MFSD6: variants seen among roughly 807,000 people sequenced by gnomAD.
MFSD6 encodes the protein major facilitator superfamily domain containing 6.
MFSD6 carries 26 observed loss-of-function variants against 56.3 expected under a neutral mutation model. The ratio of observed to expected loss-of-function variants is 0.46; its 90% CI spans 0.34 to 0.64. MFSD6 has a LOEUF of 0.64. MFSD6 is among the 30% of genes least tolerant of loss of function. MFSD6 has a pLI of 0.01. For synonymous variants in MFSD6, 331 were observed against 366.9 expected, an observed-to-expected ratio of 0.90 and a Z score of 1.12; for missense variants, 750 against 986.2, an observed-to-expected ratio of 0.76 and a Z score of 3.21.
rs1687069667 is a variant in MFSD6 at position 190,456,935 on chromosome 2, C to T, written c.1533-12823C>T. ...CATTTGCTTTTCTACTTTCCTCTTA[C>T]CCCAGTCTTCCCAATGACTCGTCAA... On this transcript the variant is annotated intron_variant, in intron 3 of 7. Coordinates refer to ENST00000392328, the MANE Select transcript of MFSD6 (RefSeq NM_017694.4). This position sits in a 1 kb window ranked among gnomAD's most constrained non-coding sequence, Gnocchi z 5.4. Among the ~76,000 whole-genome samples, 1 of 152,118 alleles carries T rather than the reference C, an allele frequency of 6.6e-6. No homozygotes were observed. The highest frequency in any genetic ancestry group is 2.1e-4 in the South Asian group (1 of 4,832).
rs140232179 is a variant in MFSD6, at chr2:190,436,194, C to T, written c.165C>T (p.Asp55=). 1 of 1,614,032 alleles carries T rather than the reference C, an allele frequency of 6.2e-7. No homozygotes were observed. Among genetic ancestry groups the T allele is most frequent in the African/African-American group, 1.3e-5 (1 of 74,932 alleles). Residue 55 remains aspartate (D), a synonymous_variant, in exon 3 of 8, where the codon GAC becomes GAT. Coordinates refer to ENST00000392328, the MANE Select transcript of MFSD6 (RefSeq NM_017694.4). This position sits in a 1 kb window ranked among gnomAD's most constrained non-coding sequence, Gnocchi z 5.3. ...CTGCTATTCCTGAGGAGGAAATAGA[C>T]TGGATAGAGAAACATTGTGTTAAGA... The part of the protein sequence containing the change: ...ETSAIPEEEI[D]WIEKHCVKIN...
rs181379625 is a variant in MFSD6, at chr2:190,456,675, A to G, written c.1533-13083A>G. Among the ~76,000 whole-genome samples the G allele has an allele frequency of 2.6e-5, 4 of 152,298 alleles. No individual in the cohort carries two copies. In the East Asian group the frequency reaches 7.7e-4, roughly 29 times the overall value. On this transcript the variant is annotated intron_variant, in intron 3 of 7. Coordinates refer to ENST00000392328, the MANE Select transcript of MFSD6 (RefSeq NM_017694.4). This position sits in a 1 kb window ranked among gnomAD's most constrained non-coding sequence, Gnocchi z 5.4. The stretch of plus-strand genomic sequence containing the variant: ...ATGGTGCCCCATCCCTGACAAGGCA[A>G]GCATCCACTTCTGATTATTTAAAGT...
In MFSD6 at chr2:190,501,819, G is replaced by A. The variant is rs553524801; in HGVS notation, c.*1601G>A. ...CACTTGAACTGAAACGTACTGTACT[G>A]TAAATTATGACTCATTTTAAGTGAC... On this transcript the variant is annotated 3_prime_UTR_variant, in exon 8 of 8. Coordinates refer to ENST00000392328, the MANE Select transcript of MFSD6 (RefSeq NM_017694.4). 2.6e-5 allele frequency: 4 copies of A among 152,744 alleles called. No individual in the cohort carries two copies. The East Asian group carries it at 7.7e-4, about 29-fold the overall frequency. 9.5% of individuals were successfully genotyped at this position (152,744 alleles called of 1,614,324 possible).
chr2:190,475,535 C>T (rs981493576), intron 4 of MFSD6, among the ~76,000 whole-genome samples: 15 of 152,130 alleles, frequency 9.9e-5, no homozygotes, highest in Non-Finnish European at 1.8e-4. Flanking sequence ...AGGAGAACTA[C>T]AAACCACTGC....
rs1686302029 is a variant in MFSD6, at chr2:190,439,647, C to A, written c.1532+2086C>A. Among the ~76,000 whole-genome samples, 1 of 152,142 alleles carries A rather than the reference C, an allele frequency of 6.6e-6. No homozygotes were observed. Among genetic ancestry groups the A allele is most frequent in the Non-Finnish European group, 1.5e-5 (1 of 68,032 alleles). ...ACTCATCATTTCAAAATTCACTTAA[C>A]CTTAATTTTCTGGTTTTTACGGACA... On this transcript the variant is annotated intron_variant, in intron 3 of 7. Coordinates refer to ENST00000392328, the MANE Select transcript of MFSD6 (RefSeq NM_017694.4). The surrounding 1 kb of genome is among the most constrained non-coding windows in gnomAD (Gnocchi z 5.8).
At chr2:190,460,621 C>T (rs935226829) in intron 3 of MFSD6, among the ~76,000 whole-genome samples, 13 of 152,196 alleles carry the variant, frequency 8.5e-5, no homozygotes, top group African/African-American at 3.1e-4. Context: ...ATGCAGAATG[C>T]AGTCAGGTTG....
Position 190,497,507 on chromosome 2 carries a change from G to A in MFSD6, c.1960G>A (p.Val654Ile). ...SPVPIATIDL[V>I]QQQTEDVMPR... ...CGTTCCTATAGCAACCATCGACTTG[G>A]TACAGCAACAGACAGAAGATGTCAT... Residue 654 changes from valine to isoleucine, a missense_variant, in exon 7 of 8, where the codon GTA becomes ATA. Val to Ile is a conservative substitution (Grantham distance 29). Coordinates refer to ENST00000392328, the MANE Select transcript of MFSD6 (RefSeq NM_017694.4). This position sits in a 1 kb window ranked among gnomAD's most constrained non-coding sequence, Gnocchi z 5.2. The A allele has an allele frequency of 6.2e-7, 1 of 1,614,130 alleles. No individual in the cohort carries two copies. Among genetic ancestry groups the A allele is most frequent in the African/African-American group, 1.3e-5 (1 of 75,004 alleles).
At position 190,485,327 on chromosome 2, in the gene MFSD6, C is replaced by A. The variant is rs1290829884; in HGVS notation, c.1631-3330C>A. ...ATGTTTTGGTTGCTTGTAAATCCTG[C>A]AATTGATTGCTTAGACATACACATA... On this transcript the variant is annotated intron_variant, in intron 4 of 7. Transcript: ENST00000392328. The surrounding 1 kb of genome is among the most constrained non-coding windows in gnomAD (Gnocchi z 5.1). 6.6e-6 allele frequency among the ~76,000 whole-genome samples: 1 copy of A among 152,104 alleles called. No homozygotes were observed. The highest frequency in any genetic ancestry group is 2.4e-5 in the African/African-American group (1 of 41,426).
chr2:190,480,198 C>T (rs1688581197), intron 4 of MFSD6, among the ~76,000 whole-genome samples: 1 of 152,190 alleles, frequency 6.6e-6, no homozygotes, highest in African/African-American at 2.4e-5. Context: ...CATTTTCCTC[C>T]TCTTATGCTC....
intron 2 of MFSD6, among the ~76,000 whole-genome samples, chr2:190,427,313 G>C (rs988135586): frequency 6.6e-6 from 1 of 152,220 alleles, no homozygotes; most frequent in Admixed American, 6.5e-5. Flanking sequence ...TTATAGCTTG[G>C]TGAGGGCAGA....
At chr2:190,473,917 A>G (rs1273779911) in intron 4 of MFSD6, among the ~76,000 whole-genome samples, 1 of 152,238 alleles carries the variant, frequency 6.6e-6, no homozygotes, top group African/African-American at 2.4e-5. Context: ...AAACTCACTC[A>G]AAACTGCTCA....
Position 190,496,640 on chromosome 2 carries a change from A to G in MFSD6, c.1892-799A>G, listed in dbSNP as rs1689695603. ...TGTGTATGTATGTATATGTGTGTAT[A>G]TATATGTATATGTGTATATGTGTGT... On this transcript the variant is annotated intron_variant, in intron 6 of 7. Coordinates refer to ENST00000392328, the MANE Select transcript of MFSD6 (RefSeq NM_017694.4). This position sits in a 1 kb window ranked among gnomAD's most constrained non-coding sequence, Gnocchi z 4.7. Among the ~76,000 whole-genome samples the G allele has an allele frequency of 3.3e-5, 5 of 152,016 alleles. No individual in the cohort carries two copies. In the South Asian group the frequency reaches 1.0e-3, roughly 31 times the overall value.
At chr2:190,429,997 G>GCCCCCCAC (rs1685912012) in intron 2 of MFSD6, among the ~76,000 whole-genome samples, 1 of 106,714 alleles carries the variant, frequency 9.4e-6, no homozygotes, top group Non-Finnish European at 1.9e-5. Context: ...CCCTCCCCCA[G>GCCCCCCAC]CTCCCCACCC....
chr2:190,407,973 G>A (rs957195585), upstream of MFSD6, among the ~76,000 whole-genome samples: 14 of 131,968 alleles, frequency 1.1e-4, no homozygotes, highest in African/African-American at 3.3e-4. The surrounding 1 kb of genome is among the most constrained non-coding windows in gnomAD (Gnocchi z 5.4). Context: ...TGGGGGTGCG[G>A]GGGGGTGGAG....
rs1686100603 is a variant in MFSD6 at position 190,434,219 on chromosome 2, A to G, written c.-53-1758A>G. 6.6e-6 allele frequency among the ~76,000 whole-genome samples: 1 copy of G among 151,882 alleles called. No homozygotes were observed. ...AAGAAAAAAAAGAAAAGAAGGTGAA[A>G]GGAATTAACACATATTTAATGTATA... On this transcript the variant is annotated intron_variant, in intron 2 of 7. Transcript: ENST00000392328. This position sits in a 1 kb window ranked among gnomAD's most constrained non-coding sequence, Gnocchi z 4.3.
At position 190,469,839 on chromosome 2, in the gene MFSD6, C is replaced by T; in HGVS notation, c.1614C>T (p.Pro538=). The change falls in exon 4 of 8, where the codon CCC becomes CCT. Residue 538 remains proline (P), a synonymous_variant. Transcript: ENST00000392328. The surrounding 1 kb of genome is among the most constrained non-coding windows in gnomAD (Gnocchi z 5.3). The part of the protein sequence containing the change: ...SYLENAWTVL[P]MEVLQGVTHA... ...TGGAGAATGCCTGGACTGTTCTCCC[C>T]ATGGAAGTTCTTCAAGGTAAGTTAA... The T allele has an allele frequency of 1.9e-6, 3 of 1,604,018 alleles. No individual in the cohort carries two copies. Among genetic ancestry groups the T allele is most frequent in the Non-Finnish European group, 1.7e-6 (2 of 1,173,574 alleles).
chr2:190,444,531 GTTC>G (rs1574120152), intron 3 of MFSD6, among the ~76,000 whole-genome samples: 1 of 152,190 alleles, frequency 6.6e-6, no homozygotes, highest in Non-Finnish European at 1.5e-5. Flanking sequence ...GTGGCTGTGT[GTTC>G]TTTTCTTTTT....
chr2:190,484,123 G>A (rs1323589424), intron 4 of MFSD6, among the ~76,000 whole-genome samples: 1 of 152,134 alleles, frequency 6.6e-6, no homozygotes, highest in Admixed American at 6.6e-5. Context: ...GTATTGAATT[G>A]TCACTGAAGG....
Position 190,435,900 on chromosome 2 carries a change from T to C in MFSD6, c.-53-77T>C. 3 of 1,244,254 alleles carry C rather than the reference T, an allele frequency of 2.4e-6. No individual in the cohort carries two copies. The Admixed American group carries it at 8.3e-5, about 34-fold the overall frequency. 77.1% of individuals were successfully genotyped at this position (1,244,254 alleles called of 1,614,324 possible). On this transcript the variant is annotated intron_variant, in intron 2 of 7. Transcript: ENST00000392328. ...ATTATTTTAGTTTGTAACTGCTTAA[T>C]TTCCTGCAAGATGAAGTTCTGTGTT...
Sources: gnomAD v4.1 joint callset for allele counts (sites outside exome capture counted in the v4.1 genomes callset) on GRCh38, gnomAD v4.1.1 for gene constraint, Gnocchi (gnomAD v3.1) non-coding constraint, MANE v1.5 for transcripts, NCBI Gene and HGNC (gene_info 2026-07-23, HGNC 2026-07-21) for gene names.